LRRD1: variants seen among roughly 807,000 people sequenced by gnomAD.
LRRD1 encodes the protein leucine rich repeats and death domain containing 1, also known as leucine-rich repeat and death domain-containing protein 1.
LRRD1 carries 49 observed loss-of-function variants against 69.5 expected under a neutral mutation model. That is an observed-to-expected ratio of 0.70 (90% CI 0.56 to 0.89). The LOEUF (loss-of-function observed/expected upper bound fraction) is 0.89. LRRD1 is among the 40% of genes least tolerant of loss of function. LRRD1 has a pLI of 0.00. For missense variants in LRRD1, 853 were observed against 956.0 expected (o/e 0.89, Z 1.42); for synonymous variants, 303 against 338.9 (o/e 0.89, Z 1.16).
intron 4 of LRRD1, among the ~76,000 whole-genome samples, chr7:92,149,495 A>T (rs1484106369): frequency 1.3e-5 from 2 of 152,210 alleles, no homozygotes; most frequent in East Asian, 1.9e-4. Flanking sequence ...GACAGTGAAG[A>T]TTCCCTCCCA....
At chr7:92,143,392 C>G (rs923760432), downstream of LRRD1, among the ~76,000 whole-genome samples, 2 of 145,836 alleles carry the variant, frequency 1.4e-5, no homozygotes, top group Non-Finnish European at 3.0e-5. Flanking sequence ...CTTGGATGGT[C>G]GATGGGTCTG....
chr7:92,146,236 G>T, intron 4 of LRRD1, 36 bp from the exon 5 acceptor site: 2 of 1,010,606 alleles, frequency 2.0e-6, no homozygotes, highest in Non-Finnish European at 1.4e-6. Flanking sequence ...TATATCTTTT[G>T]AAAAAGATAA....
chr7:92,143,225 T>A (rs1315785805), downstream of LRRD1, among the ~76,000 whole-genome samples: 2 of 152,118 alleles, frequency 1.3e-5, no homozygotes, highest in Non-Finnish European at 2.9e-5. Context: ...AGAGTGCCGA[T>A]TGGTGTATTT....
chr7:92,174,470 AATATATATATATATATATATAT>A (rs1186084706), intron 1 of LRRD1, among the ~76,000 whole-genome samples: 3 of 20,228 alleles, frequency 1.5e-4, no homozygotes, highest in African/African-American at 3.3e-4. Flanking sequence ...TATCAATTAG[AATATATATATATATATATATAT>A]ATATATATAT....
At position 92,163,782 on chromosome 7, in the gene LRRD1, T is replaced by C; in HGVS notation, c.1421A>G (p.Asn474Ser). The C allele has an allele frequency of 6.6e-7, 1 of 1,506,984 alleles. No homozygotes were observed. The highest frequency in any genetic ancestry group is 8.8e-7 in the Non-Finnish European group (1 of 1,131,590). The allele number at this position is 1,506,984 out of a possible 1,614,324, so 93.4% of individuals were successfully genotyped here. A position where few individuals can be genotyped will look rare whatever the true frequency, so the allele number is the denominator to read the frequency against. Residue 474 changes from asparagine (N) to serine (S), a missense_variant, in exon 2 of 6, where the codon AAC becomes AGC. This residue lies in a region of LRRD1 where 739 missense variants were observed against 808.0 expected (regional missense o/e 0.91). Coordinates refer to ENST00000458448, the MANE Select transcript of LRRD1 (RefSeq NM_001161528.2). ...QKIIKIELSYNKIMYFPLGLC... is the reference protein window; with the variant it reads ...QKIIKIELSYSKIMYFPLGLC... ...TCCCAATGGAAAATACATTATTTTG[T>C]TATAACTCAATTCAATTTTAATTAT...
chr7:92,156,835 C>T (rs1022703499), intron 3 of LRRD1, among the ~76,000 whole-genome samples: 3 of 152,068 alleles, frequency 2.0e-5, no homozygotes, highest in African/African-American at 7.2e-5. Context: ...GAAAGGAGAA[C>T]TTTACTTTAA....
Position 92,159,095 on chromosome 7 carries a change from A to C in LRRD1, c.2026T>G (p.Leu676Val), listed in dbSNP as rs750732894. Residue 676 changes from leucine (L) to valine (V), a missense_variant, in exon 3 of 6, where the codon TTG becomes GTG. Physicochemically the swap from Leu to Val is conservative, Grantham distance 32. Transcript: ENST00000458448. Reference sequence around the variant, plus strand: ...TTATTGTATGCATGTAAACTAACCAAATTTCTCAATTCTCCTATATTTCTT... The same window carrying C: ...TTATTGTATGCATGTAAACTAACCACATTTCTCAATTCTCCTATATTTCTT... Reference protein sequence around the residue: ...IPRNIGELRNLVSLHAYNNQI... With the variant: ...IPRNIGELRNVVSLHAYNNQI... The C allele has an allele frequency of 1.4e-5, 22 of 1,547,278 alleles. No homozygotes were observed. Among genetic ancestry groups the C allele is most frequent in the Non-Finnish European group, 1.7e-5 (20 of 1,145,454 alleles).
chr7:92,174,609 A>T (rs1170045929), intron 1 of LRRD1, among the ~76,000 whole-genome samples: 3 of 139,454 alleles, frequency 2.2e-5, no homozygotes, highest in Non-Finnish European at 4.6e-5. Context: ...CCGGGTTCAA[A>T]GTGGTTCTCC....
intron 2 of LRRD1, among the ~76,000 whole-genome samples, chr7:92,160,015 A>T (rs940022320): frequency 3.3e-5 from 5 of 152,186 alleles, no homozygotes; most frequent in African/African-American, 1.2e-4. Context: ...GTTTCCAAGC[A>T]CAAAATGCAT....
chr7:92,144,851 C>A lies in LRRD1; in HGVS notation c.*37G>T. ...ACAAACACAGTTTCAATTATAAGTG[C>A]ATCAAAAGTTTTCAGTTTTTATTAT... On this transcript the variant is annotated 3_prime_UTR_variant, in exon 6 of 6. Coordinates refer to ENST00000458448, the MANE Select transcript of LRRD1 (RefSeq NM_001161528.2). 8.0e-7 allele frequency: 1 copy of A among 1,249,612 alleles called. No individual in the cohort carries two copies. Among genetic ancestry groups the A allele is most frequent in the Non-Finnish European group, 1.1e-6 (1 of 918,850 alleles). The allele number at this position is 1,249,612 out of a possible 1,614,324, so 77.4% of individuals were successfully genotyped here. A position where few individuals can be genotyped will look rare whatever the true frequency, so the allele number is the denominator to read the frequency against.
chr7:92,150,645 T>A lies in LRRD1; in HGVS notation c.2167A>T (p.Lys723Ter), dbSNP rs1820443067. 1.3e-6 allele frequency: 2 copies of A among 1,550,392 alleles called. No individual in the cohort carries two copies. The highest frequency in any genetic ancestry group is 3.9e-5 in the Admixed American group (2 of 50,956). ...GGGTTGTCATCAAAATTTATCTCCT[T>A]CAGTGAAAAAATATTGTAGATAGCA... ...PSAIYNIFSL[K>*]EINFDDNPLL... Residue 723 changes from lysine to a stop codon, truncating the protein, a stop_gained, in exon 4 of 6, where the codon AAG becomes TAG. Coordinates refer to ENST00000458448, the MANE Select transcript of LRRD1 (RefSeq NM_001161528.2). LOFTEE classifies it high-confidence loss of function.
chr7:92,150,469 A>C, intron 4 of LRRD1, 65 bp downstream of exon 4: 2 of 1,366,720 alleles, frequency 1.5e-6, no homozygotes, highest in Non-Finnish European at 1.9e-6. Flanking sequence ...TGTCTCCAAA[A>C]ATATTAAAAT....
chr7:92,172,674 A>G (rs934414401), intron 1 of LRRD1, among the ~76,000 whole-genome samples: 1 of 152,160 alleles, frequency 6.6e-6, no homozygotes, highest in African/African-American at 2.4e-5. Flanking sequence ...GAAAACACTG[A>G]TGAAAAAAAT....
Position 92,161,183 on chromosome 7 carries a change from T to C in LRRD1, c.1918-1980A>G, listed in dbSNP as rs188865717. 5.9e-5 allele frequency among the ~76,000 whole-genome samples: 9 copies of C among 152,370 alleles called. No individual in the cohort carries two copies. The East Asian group carries it at 1.7e-3, about 29-fold the overall frequency. On this transcript the variant is annotated intron_variant, in intron 2 of 5. Coordinates refer to ENST00000458448, the MANE Select transcript of LRRD1 (RefSeq NM_001161528.2). ...TTTGGGCATCCTTCCTTTAATAAAATAAAAGCCCTGTGATTAATCTGACTT... is the reference window on the plus strand; with the variant it reads ...TTTGGGCATCCTTCCTTTAATAAAACAAAAGCCCTGTGATTAATCTGACTT...
chr7:92,155,762 G>C (rs534148796), intron 3 of LRRD1, among the ~76,000 whole-genome samples: 1 of 152,334 alleles, frequency 6.6e-6, no homozygotes, highest in Admixed American at 6.5e-5. Flanking sequence ...GCAGCCTTCA[G>C]TCTGTGGCCA....
chr7:92,163,292 C>G lies in LRRD1; in HGVS notation c.1911G>C (p.Gly637=). The change falls in exon 2 of 6, where the codon GGG becomes GGC. Residue 637 remains glycine, a synonymous_variant. Transcript: ENST00000458448. The stretch of plus-strand genomic sequence containing the variant: ...CACAATACCAGTCTCTTACCTTTCT[C>G]CCTTTTATCTGACTTATATTCAGCT... ...LEQLNISQIK[G]RKLTRLPGEL... is the part of the protein sequence containing the mutation. 1 of 1,462,180 alleles carries G rather than the reference C, an allele frequency of 6.8e-7. No homozygotes were observed. Among genetic ancestry groups the G allele is most frequent in the Non-Finnish European group, 9.0e-7 (1 of 1,107,804 alleles). 90.6% of individuals were successfully genotyped at this position (1,462,180 alleles called of 1,614,324 possible).
chr7:92,142,690 G>C (rs1820189131), downstream of LRRD1: 1 of 404,502 alleles, frequency 2.5e-6, no homozygotes, highest in Admixed American at 3.0e-5. Flanking sequence ...CTTCTGGTGG[G>C]ATCGTGGTCT....
At chr7:92,145,998 C>A (rs1820314836) in intron 5 of LRRD1, 85 bp downstream of exon 5, 4 of 687,332 alleles carry the variant, frequency 5.8e-6, no homozygotes, top group African/African-American at 1.8e-5. Context: ...TGTGTTAATA[C>A]GAATGTTTCA....
At position 92,167,616 on chromosome 7, in the gene LRRD1, G is replaced by A. The variant is rs373880500; in HGVS notation, c.-74-2340C>T. Among the ~76,000 whole-genome samples the A allele has an allele frequency of 4.7e-4, 71 of 151,524 alleles. No homozygotes were observed. The South Asian group carries it at 0.015, about 32-fold the overall frequency. On this transcript the variant is annotated intron_variant, in intron 1 of 5. Transcript: ENST00000458448. ...TGCTCAGCCGGGCGCGGTGGCTCACGCCTGTAATCCCAGCACTTTGGGAGG... is the reference window on the plus strand; with the variant it reads ...TGCTCAGCCGGGCGCGGTGGCTCACACCTGTAATCCCAGCACTTTGGGAGG...
Sources: gnomAD v4.1 joint callset for allele counts (sites outside exome capture counted in the v4.1 genomes callset) on GRCh38, gnomAD v4.1.1 for gene constraint, gnomAD v4.1.1 regional missense constraint, MANE v1.5 for transcripts, NCBI Gene and HGNC (gene_info 2026-07-23, HGNC 2026-07-21) for gene names.